The following ATXN8OS variants were observed in gnomAD, a reference collection of about 807,000 sequenced individuals.
The protein encoded by ATXN8OS is ATXN8 opposite strand (non-protein coding).
chr13:70,150,946 T>C lies in ATXN8OS; in HGVS notation n.573+3518T>C, dbSNP rs112221527. Among the ~76,000 whole-genome samples, 801 of 152,238 alleles carry C rather than the reference T, an allele frequency of 5.3e-3. 17 individuals are homozygous for C. The highest frequency in any genetic ancestry group is 0.019 in the African/African-American group (771 of 41,564). On this transcript the variant is annotated intron_variant and non_coding_transcript_variant, in intron 4 of 4. Coordinates refer to ENST00000678624, the Ensembl canonical transcript of ATXN8OS. The stretch of plus-strand genomic sequence containing the variant: ...AAGAAGGTTCGTGGCAAAGCAGGCA[T>C]TGGCACTATATTTTTTTAAAAAACA...
chr13:70,109,686 A>AT (rs1186164724), intron 1 of ATXN8OS, among the ~76,000 whole-genome samples: 44 of 152,126 alleles, frequency 2.9e-4, no homozygotes, highest in South Asian at 2.1e-4. Flanking sequence ...GTATTCAGTG[A>AT]TTTTTTGTTT....
At chr13:70,113,161 C>CCTCA (rs985514524) in intron 1 of ATXN8OS, among the ~76,000 whole-genome samples, 1 of 151,776 alleles carries the variant, frequency 6.6e-6, no homozygotes, top group Non-Finnish European at 1.5e-5. Context: ...ACGCTGTGAT[C>CCTCA]CTCACATCTT....
At chr13:70,130,149 T>C (rs1277325559) in intron 3 of ATXN8OS, among the ~76,000 whole-genome samples, 2 of 152,184 alleles carry the variant, frequency 1.3e-5, no homozygotes, top group Non-Finnish European at 2.9e-5. Flanking sequence ...ATGCCATTCT[T>C]AGTAAGAGGA....
At chr13:70,145,997 T>C (rs1207878618) in intron 3 of ATXN8OS, among the ~76,000 whole-genome samples, 1 of 141,604 alleles carries the variant, frequency 7.1e-6, no homozygotes, top group Admixed American at 7.1e-5. Flanking sequence ...GGGAGAAAAT[T>C]TTCACAACCT....
At chr13:70,158,317 C>T (rs1385944072) in intron 4 of ATXN8OS, among the ~76,000 whole-genome samples, 1 of 152,140 alleles carries the variant, frequency 6.6e-6, no homozygotes, top group Non-Finnish European at 1.5e-5. Flanking sequence ...ACTTGGGAGG[C>T]TGAGGCAGGA....
At chr13:70,142,965 C>A (rs1358593302) in intron 3 of ATXN8OS, among the ~76,000 whole-genome samples, 1 of 151,738 alleles carries the variant, frequency 6.6e-6, no homozygotes, top group African/African-American at 2.4e-5. Context: ...CCTAGTTACT[C>A]AGGAGGCTGA....
At chr13:70,126,875 TTA>T (rs766217464) in intron 2 of ATXN8OS, among the ~76,000 whole-genome samples, 16 of 151,622 alleles carry the variant, frequency 1.1e-4, no homozygotes, top group Non-Finnish European at 2.1e-4. Context: ...GTTTACACAT[TTA>T]TAGAGTTTTC....
At chr13:70,109,474 C>G (rs577481915) in intron 1 of ATXN8OS, among the ~76,000 whole-genome samples, 51 of 152,236 alleles carry the variant, frequency 3.4e-4, no homozygotes, top group South Asian at 1.4e-3. Flanking sequence ...TCAGTTACCC[C>G]CAAGGTTGAG....
intron 3 of ATXN8OS, among the ~76,000 whole-genome samples, chr13:70,138,342 C>G (rs1214444007): frequency 6.6e-6 from 1 of 151,306 alleles, no homozygotes; most frequent in Non-Finnish European, 1.5e-5. Context: ...AAAAAGTTAA[C>G]TTTCATTACC....
In ATXN8OS at chr13:70,112,919, A is replaced by ATATATATAT. The variant is rs3072593; in HGVS notation, n.241-2222_241-2221insTATATATAT. 8.2e-3 allele frequency among the ~76,000 whole-genome samples: 1,011 copies of ATATATATAT among 122,878 alleles called. 19 individuals are homozygous for ATATATATAT. The highest frequency in any genetic ancestry group is 0.02 in the African/African-American group (622 of 31,324). 80.6% of individuals were successfully genotyped at this position (122,878 alleles called of 152,430 possible). ...CACTGCTGAGGGACTTTATATATATAATTTTTTTTTTTTTTTTTTTTGAGA... is the reference window on the plus strand; with the variant it reads ...CACTGCTGAGGGACTTTATATATATATATATATATATTTTTTTTTTTTTTTTTTTTGAGA... On this transcript the variant is annotated intron_variant and non_coding_transcript_variant, in intron 1 of 4. Transcript: ENST00000678624.
At chr13:70,114,003 G>C (rs1185623026) in intron 1 of ATXN8OS, among the ~76,000 whole-genome samples, 2 of 152,066 alleles carry the variant, frequency 1.3e-5, no homozygotes, top group Admixed American at 6.6e-5. Flanking sequence ...TAGTTAATCT[G>C]TTTTAGAAAT....
At chr13:70,133,955 C>T (rs1888570187) in intron 3 of ATXN8OS, among the ~76,000 whole-genome samples, 1 of 152,160 alleles carries the variant, frequency 6.6e-6, no homozygotes, top group Non-Finnish European at 1.5e-5. Flanking sequence ...AATTAACAAG[C>T]TGGAATCACA....
chr13:70,124,985 C>A (rs766982768), intron 2 of ATXN8OS, among the ~76,000 whole-genome samples: 1 of 147,792 alleles, frequency 6.8e-6, no homozygotes, highest in Non-Finnish European at 1.5e-5. Flanking sequence ...ATGGGCTGTG[C>A]TGAAGTTCTT....
At chr13:70,128,706 ATT>A (rs923631733) in intron 2 of ATXN8OS, among the ~76,000 whole-genome samples, 1 of 151,714 alleles carries the variant, frequency 6.6e-6, no homozygotes, top group East Asian at 1.9e-4. Context: ...TCTTGTGTTT[ATT>A]TTTTTTGTAT....
At chr13:70,143,552 G>T (rs916037429) in intron 3 of ATXN8OS, among the ~76,000 whole-genome samples, 3 of 152,134 alleles carry the variant, frequency 2.0e-5, no homozygotes, top group African/African-American at 7.2e-5. Context: ...TCATGAATAA[G>T]TGAGGCTGAT....
chr13:70,167,897 G>A (rs552812383), intron 4 of ATXN8OS, among the ~76,000 whole-genome samples: 8 of 151,668 alleles, frequency 5.3e-5, no homozygotes, highest in East Asian at 2.0e-4. Context: ...CGCCACTCCT[G>A]ACTAATTTTT....
chr13:70,121,170 G>A (rs1294192812), intron 2 of ATXN8OS, among the ~76,000 whole-genome samples: 2 of 151,882 alleles, frequency 1.3e-5, no homozygotes, highest in African/African-American at 4.8e-5. Flanking sequence ...AAAAGACAAA[G>A]AGAATAAATA....
At chr13:70,169,862 T>A (rs1230695117) in exon 5 of ATXN8OS, among the ~76,000 whole-genome samples, 2 of 152,042 alleles carry the variant, frequency 1.3e-5, no homozygotes, top group African/African-American at 4.8e-5. Flanking sequence ...GGGACAAATA[T>A]GAAGAACCAT....
At chr13:70,115,810 T>G (rs539628481) in intron 2 of ATXN8OS, among the ~76,000 whole-genome samples, 67 of 152,218 alleles carry the variant, frequency 4.4e-4, no homozygotes, top group African/African-American at 1.5e-3. Context: ...TACAATTATT[T>G]AGTATGAAAA....
Sources: gnomAD v4.1 joint callset for allele counts (sites outside exome capture counted in the v4.1 genomes callset) on GRCh38, gnomAD v4.1.1 for gene constraint, MANE v1.5 for transcripts, NCBI Gene and HGNC (gene_info 2026-07-23, HGNC 2026-07-21) for gene names.